CACNA1D: variants seen among roughly 807,000 people sequenced by gnomAD.
The protein encoded by CACNA1D is calcium voltage-gated channel subunit alpha1 D, also known as voltage-dependent L-type calcium channel subunit alpha-1D.
CACNA1D carries 55 observed loss-of-function variants against 257.1 expected under a neutral mutation model. The observed-to-expected ratio is 0.21, with a 90% CI of 0.17 to 0.27. CACNA1D has a LOEUF of 0.27. Among genes scored for constraint, CACNA1D ranks in the 10% least tolerant of loss-of-function variants. The probability of loss-of-function intolerance (pLI) is 1.00; values close to 1 mark genes in which losing one functional copy is unlikely to be tolerated. For missense variants in CACNA1D, 1,876 were observed against 2,784.0 expected, an observed-to-expected ratio of 0.67 and a Z score of 7.34; for synonymous variants, 980 against 1,014.9, an observed-to-expected ratio of 0.97 and a Z score of 0.65.
At chr3:53,594,687 G>T (rs1248134904) in intron 3 of CACNA1D, among the ~76,000 whole-genome samples, 2 of 152,248 alleles carry the variant, frequency 1.3e-5, no homozygotes, top group Non-Finnish European at 2.9e-5. Context: ...TCATTGTGGA[G>T]TAATGGCAGG....
chr3:53,796,349 C>G, intron 40 of CACNA1D: 1 of 456,030 alleles, frequency 2.2e-6, no homozygotes, highest in Non-Finnish European at 4.4e-6. Context: ...AGATGAATGG[C>G]CTGGCCCAGT....
chr3:53,634,056 G>A (rs1408531177), intron 3 of CACNA1D, among the ~76,000 whole-genome samples: 1 of 152,188 alleles, frequency 6.6e-6, no homozygotes, highest in Non-Finnish European at 1.5e-5. Context: ...ATGTTCAGAT[G>A]TCTCAAGGTG....
At chr3:53,696,247 C>T (rs1010556876) in intron 8 of CACNA1D, among the ~76,000 whole-genome samples, 2 of 152,248 alleles carry the variant, frequency 1.3e-5, no homozygotes, top group African/African-American at 4.8e-5. Context: ...GTATTTCAGG[C>T]GTGAGCCTCT....
At chr3:53,523,601 A>G (rs1034359003) in intron 3 of CACNA1D, among the ~76,000 whole-genome samples, 4 of 152,252 alleles carry the variant, frequency 2.6e-5, no homozygotes, top group East Asian at 1.9e-4. Context: ...CAGGTACTTC[A>G]TACACACAAA....
At chr3:53,743,681 C>G (rs1373311875) in intron 22 of CACNA1D, among the ~76,000 whole-genome samples, 1 of 152,226 alleles carries the variant, frequency 6.6e-6, no homozygotes, top group Admixed American at 6.5e-5. Flanking sequence ...ACAGCCATTG[C>G]TGAGTACTGC....
At chr3:53,694,804 T>C (rs910943497) in intron 8 of CACNA1D, among the ~76,000 whole-genome samples, 46 of 152,196 alleles carry the variant, frequency 3.0e-4, no homozygotes, top group Admixed American at 2.9e-3. Flanking sequence ...GCTCGTATTC[T>C]GCTGAAGCTG....
Position 53,812,504 on chromosome 3 carries a change from G to T in CACNA1D, c.*1098G>T, listed in dbSNP as rs377619326. 2.0e-5 allele frequency: 3 copies of T among 152,200 alleles called. No individual in the cohort carries two copies. The highest frequency in any genetic ancestry group is 7.2e-5 in the African/African-American group (3 of 41,446). The allele number at this position is 152,200 out of a possible 1,614,324, so 9.4% of individuals were successfully genotyped here. ...TTTGCAGTCTTTTCTTTGGGCAAGA[G>T]TTCCATGATTTTGATACTGTACCTT... On this transcript the variant is annotated 3_prime_UTR_variant, in exon 48 of 48. Coordinates refer to ENST00000350061, the MANE Select transcript of CACNA1D (RefSeq NM_001128840.3).
Position 53,673,562 on chromosome 3 carries a change from G to GAAAAA in CACNA1D, c.1220+447_1220+451dup. 5.1e-6 allele frequency: 3 copies of GAAAAA among 590,354 alleles called. No homozygotes were observed. The highest frequency in any genetic ancestry group is 2.0e-5 in the South Asian group (1 of 50,322). The allele number at this position is 590,354 out of a possible 1,614,324, so 36.6% of individuals were successfully genotyped here. On this transcript the variant is annotated intron_variant, in intron 8 of 47. Transcript: ENST00000350061. This position sits in a 1 kb window ranked among gnomAD's most constrained non-coding sequence, Gnocchi z 4.1. ...GCCGCTGAGCTTGTCCTTATTTGCAGAAAAAAAAAAAAAAAGGGAAGGACC... is the reference window on the plus strand; with the variant it reads ...GCCGCTGAGCTTGTCCTTATTTGCAGAAAAAAAAAAAAAAAAAAAAGGGAAGGACC...
chr3:53,582,523 G>C (rs981859291), intron 3 of CACNA1D, among the ~76,000 whole-genome samples: 3 of 152,106 alleles, frequency 2.0e-5, no homozygotes, highest in African/African-American at 4.8e-5. Flanking sequence ...TGGAAAGGGG[G>C]ACTGGGATGT....
intron 9 of CACNA1D, among the ~76,000 whole-genome samples, chr3:53,710,794 T>A (rs1198508767): frequency 1.3e-5 from 2 of 152,252 alleles, no homozygotes; most frequent in Admixed American, 6.5e-5. Context: ...ATGATTTTTT[T>A]AAATTTAAAC....
chr3:53,733,974 G>GTA (rs1192459330), intron 19 of CACNA1D, among the ~76,000 whole-genome samples: 16 of 132,008 alleles, frequency 1.2e-4, no homozygotes, highest in East Asian at 6.5e-4. Flanking sequence ...GTATGTATAT[G>GTA]TATATATATA....
intron 32 of CACNA1D, among the ~76,000 whole-genome samples, chr3:53,771,244 G>A (rs1576617934): frequency 6.6e-6 from 1 of 152,386 alleles, no homozygotes; most frequent in East Asian, 1.9e-4. Context: ...GTGGACCCAT[G>A]TAGGGAATTT....
chr3:53,726,454 T>A (rs2094935692), intron 14 of CACNA1D, among the ~76,000 whole-genome samples: 1 of 2,488 alleles, frequency 4.0e-4, no homozygotes, highest in Non-Finnish European at 7.1e-4. Flanking sequence ...CCTGGCCAAC[T>A]GCTGTAACAC....
rs987125958 is a variant in CACNA1D, at chr3:53,516,304, A to G, written c.483+14584A>G. Among the ~76,000 whole-genome samples the G allele has an allele frequency of 5.9e-4, 90 of 152,224 alleles. 1 individual carries two copies. The highest frequency in any genetic ancestry group is 4.4e-5 in the Non-Finnish European group (3 of 68,034). ...TGCCATAGGGTTTTGAGAATCAGTC[A>G]CACGGCACACCTGTTAAATCCCTGT... On this transcript the variant is annotated intron_variant, in intron 3 of 47. Coordinates refer to ENST00000350061, the MANE Select transcript of CACNA1D (RefSeq NM_001128840.3).
At chr3:53,747,262 T>C (rs754994234) in intron 25 of CACNA1D, 40 bp from the exon 26 acceptor site, 2 of 1,588,824 alleles carry the variant, frequency 1.3e-6, no homozygotes, top group Non-Finnish European at 8.6e-7. Flanking sequence ...CCACCTGTCA[T>C]GTGTGAAGCC....
chr3:53,550,746 G>A (rs1273712268), intron 3 of CACNA1D, among the ~76,000 whole-genome samples: 2 of 152,086 alleles, frequency 1.3e-5, no homozygotes, highest in Non-Finnish European at 2.9e-5. Flanking sequence ...AGACACATAG[G>A]AGCCCTGAGA....
intron 3 of CACNA1D, among the ~76,000 whole-genome samples, chr3:53,547,087 T>A (rs1240929387): frequency 6.6e-6 from 1 of 152,188 alleles, no homozygotes; most frequent in Non-Finnish European, 1.5e-5. Context: ...TGGAGGCTCA[T>A]GTATGTTGAG....
chr3:53,801,441 T>C lies in CACNA1D; in HGVS notation c.5408+16T>C. On this transcript the variant is annotated intron_variant, in intron 42 of 47. Transcript: ENST00000350061. Reference sequence around the variant, plus strand: ...GTGTGAAAAGGTAACCTTGACAATGTGTTTGGACTTGCTCATGTGGTGTCT... The same window carrying C: ...GTGTGAAAAGGTAACCTTGACAATGCGTTTGGACTTGCTCATGTGGTGTCT... 2 of 1,612,988 alleles carry C rather than the reference T, an allele frequency of 1.2e-6. No individual in the cohort carries two copies. Among genetic ancestry groups the C allele is most frequent in the Non-Finnish European group, 1.7e-6 (2 of 1,179,978 alleles).
Position 53,813,660 on chromosome 3 carries a change from C to G in CACNA1D, c.*2254C>G, listed in dbSNP as rs982477468. On this transcript the variant is annotated 3_prime_UTR_variant, in exon 48 of 48. Coordinates refer to ENST00000350061, the MANE Select transcript of CACNA1D (RefSeq NM_001128840.3). The stretch of plus-strand genomic sequence containing the variant: ...CAAACTGGCATTCTTACAGGCTGCA[C>G]CATTTCCTAGTATGTCTGCTTTAAG... 6.6e-6 allele frequency: 1 copy of G among 152,178 alleles called. No individual in the cohort carries two copies. The highest frequency in any genetic ancestry group is 2.4e-5 in the African/African-American group (1 of 41,448). The allele number at this position is 152,178 out of a possible 1,614,324, so 9.4% of individuals were successfully genotyped here. A position where few individuals can be genotyped will look rare whatever the true frequency, so the allele number is the denominator to read the frequency against.
Sources: gnomAD v4.1 joint callset for allele counts (sites outside exome capture counted in the v4.1 genomes callset) on GRCh38, gnomAD v4.1.1 for gene constraint, Gnocchi (gnomAD v3.1) non-coding constraint, MANE v1.5 for transcripts, NCBI Gene and HGNC (gene_info 2026-07-23, HGNC 2026-07-21) for gene names.